The following SH3BGRL variants were observed in gnomAD, a reference collection of about 807,000 sequenced individuals.
The protein encoded by SH3BGRL is adapter SH3BGRL.
In SH3BGRL, 7 loss-of-function variants were observed where a neutral mutation model predicts 9.8. The observed-to-expected ratio is 0.72, with a 90% CI of 0.41 to 1.35. SH3BGRL has a LOEUF of 1.35. Ranked by LOEUF, SH3BGRL falls within the 40% of genes most tolerant of loss-of-function variation. SH3BGRL has a pLI of 0.01. For missense variants in SH3BGRL, 73 were observed against 84.4 expected, an observed-to-expected ratio of 0.86 and a Z score of 0.53; for synonymous variants, 36 against 29.1, an observed-to-expected ratio of 1.24 and a Z score of -0.76.
intron 1 of SH3BGRL, among the ~76,000 whole-genome samples, chrX:81,257,005 C>T (rs974561176): frequency 6.3e-5 from 7 of 111,361 alleles, no homozygotes; most frequent in Non-Finnish European, 1.3e-4. Flanking sequence ...ATTTAAAATA[C>T]TAGCTACCAA....
At chrX:81,238,148 C>A (rs144978437) in intron 1 of SH3BGRL, among the ~76,000 whole-genome samples, 1 of 110,092 alleles carries the variant, frequency 9.1e-6, no homozygotes, top group East Asian at 2.9e-4. Context: ...TTAAGGTACC[C>A]GCTTGGCTGG....
intron 1 of SH3BGRL, among the ~76,000 whole-genome samples, chrX:81,221,406 A>G (rs1960733303): frequency 8.9e-6 from 1 of 111,987 alleles, no homozygotes; most frequent in African/African-American, 3.2e-5. Flanking sequence ...AGAATTTTCA[A>G]TGCTGTGGCT....
At chrX:81,250,960 T>G (rs2075707967) in intron 1 of SH3BGRL, among the ~76,000 whole-genome samples, 1 of 111,940 alleles carries the variant, frequency 8.9e-6, no homozygotes, top group African/African-American at 3.3e-5. Flanking sequence ...AAAAAAATAC[T>G]GCTTTAAGTT....
At chrX:81,238,537 A>T (rs1045877608) in intron 1 of SH3BGRL, among the ~76,000 whole-genome samples, 1 of 111,675 alleles carries the variant, frequency 9.0e-6, no homozygotes, top group Admixed American at 9.5e-5. Flanking sequence ...CCTGCACAAC[A>T]CCTTTGAATC....
rs140147418 is a variant in SH3BGRL at position 81,287,223 on chromosome X, A to G, written c.312+8812A>G. Among the ~76,000 whole-genome samples, 659 of 112,111 alleles carry G rather than the reference A, an allele frequency of 5.9e-3. 7 individuals are homozygous for G. The highest frequency in any genetic ancestry group is 0.02 in the African/African-American group (608 of 30,929). ...TTTTGAAAAGTTAAACAAAATTGAC[A>G]AACTTTTAGCCAGACTAAGAAAAAA... On this transcript the variant is annotated intron_variant, in intron 3 of 3. Coordinates refer to ENST00000373212, the MANE Select transcript of SH3BGRL (RefSeq NM_003022.3).
chrX:81,272,193 T>TA (rs2075782549), intron 1 of SH3BGRL, among the ~76,000 whole-genome samples: 1 of 13,850 alleles, frequency 7.2e-5, no homozygotes, highest in South Asian at 0.011. Context: ...TGAGACTGCG[T>TA]CCAAAAAAAA....
At chrX:81,284,599 T>C (rs1202816054) in intron 3 of SH3BGRL, among the ~76,000 whole-genome samples, 1 of 109,621 alleles carries the variant, frequency 9.1e-6, no homozygotes. Context: ...GTTCTGAGAG[T>C]GGATGAAATT....
intron 1 of SH3BGRL, among the ~76,000 whole-genome samples, chrX:81,209,287 C>T (rs138524039): frequency 0.029 from 3,210 of 110,979 alleles, 52 homozygotes; most frequent in Non-Finnish European, 0.042. Context: ...GGATTACACG[C>T]GTGAGCCACC....
At chrX:81,282,024 G>T (rs112182529) in intron 3 of SH3BGRL, among the ~76,000 whole-genome samples, 2 of 111,758 alleles carry the variant, frequency 1.8e-5, no homozygotes, top group African/African-American at 6.5e-5. Flanking sequence ...TGAGAGTGGG[G>T]CAACTATTCT....
At chrX:81,211,338 A>G (rs1200989702) in intron 1 of SH3BGRL, among the ~76,000 whole-genome samples, 9 of 111,614 alleles carry the variant, frequency 8.1e-5, no homozygotes, top group Non-Finnish European at 3.8e-5. Flanking sequence ...TAATCTCAGC[A>G]CTTTGTGGGG....
chrX:81,225,521 G>A (rs187895115), intron 1 of SH3BGRL, among the ~76,000 whole-genome samples: 20 of 111,055 alleles, frequency 1.8e-4, no homozygotes, highest in African/African-American at 1.3e-4. Flanking sequence ...TTTGACTTTC[G>A]TTTCTGTGTT....
At chrX:81,261,822 A>G (rs190991125) in intron 1 of SH3BGRL, among the ~76,000 whole-genome samples, 4 of 111,550 alleles carry the variant, frequency 3.6e-5, no homozygotes, top group South Asian at 3.8e-4. Context: ...GGCATATTGT[A>G]CATTCCACAG....
chrX:81,262,651 A>G (rs1422563494), intron 1 of SH3BGRL, among the ~76,000 whole-genome samples: 1 of 112,007 alleles, frequency 8.9e-6, no homozygotes, highest in Non-Finnish European at 1.9e-5. Context: ...AGTTAGTAGT[A>G]TCATACCAAT....
At chrX:81,214,958 G>A (rs5959852) in intron 1 of SH3BGRL, among the ~76,000 whole-genome samples, 1,812 of 111,120 alleles carry the variant, frequency 0.016, 37 homozygotes, top group African/African-American at 0.057. Flanking sequence ...TTCCCTTCTC[G>A]CTAATGCCAA....
chrX:81,276,039 T>C (rs2075797535), intron 1 of SH3BGRL, among the ~76,000 whole-genome samples: 1 of 111,301 alleles, frequency 9.0e-6, no homozygotes, highest in Non-Finnish European at 1.9e-5. Context: ...GTGTCTTTAT[T>C]TTAATGTGAT....
At chrX:81,204,282 C>T (rs1218082225) in intron 1 of SH3BGRL, among the ~76,000 whole-genome samples, 1 of 112,032 alleles carries the variant, frequency 8.9e-6, no homozygotes, top group Non-Finnish European at 1.9e-5. Flanking sequence ...TATTACAACA[C>T]TTTTAAATAA....
At chrX:81,251,680 C>T (rs759475711) in intron 1 of SH3BGRL, among the ~76,000 whole-genome samples, 5 of 111,660 alleles carry the variant, frequency 4.5e-5, no homozygotes, top group Non-Finnish European at 7.5e-5. Context: ...CACTGAAGTA[C>T]AGCAAATTGA....
intron 1 of SH3BGRL, among the ~76,000 whole-genome samples, chrX:81,243,766 A>C (rs969074394): frequency 9.0e-6 from 1 of 111,630 alleles, no homozygotes; most frequent in African/African-American, 3.3e-5. Flanking sequence ...AGTCTTTTAC[A>C]TATATTCTAA....
At chrX:81,204,276 A>G (rs1038301084) in intron 1 of SH3BGRL, among the ~76,000 whole-genome samples, 5 of 112,300 alleles carry the variant, frequency 4.5e-5, no homozygotes, top group Non-Finnish European at 7.5e-5. Context: ...TTATACTATT[A>G]CAACACTTTT....
Sources: gnomAD v4.1 joint callset for allele counts (sites outside exome capture counted in the v4.1 genomes callset) on GRCh38, gnomAD v4.1.1 for gene constraint, MANE v1.5 for transcripts, NCBI Gene and HGNC (gene_info 2026-07-23, HGNC 2026-07-21) for gene names.